The following MIB1 variants were observed in gnomAD, a reference collection of about 807,000 sequenced individuals.
MIB1 encodes the protein E3 ubiquitin-protein ligase MIB1.
Under a neutral mutation model 124.5 loss-of-function variants are expected in MIB1, and 278 were observed. The ratio of observed to expected loss-of-function variants is 2.23; its 90% CI spans 2.02 to 2.47. MIB1 has a LOEUF of 2.47. Ranked by LOEUF, MIB1 falls within the 30% of genes most tolerant of loss-of-function variation. MIB1 has a pLI of 0.00. For missense variants in MIB1, 957 were observed against 1,254.4 expected, an observed-to-expected ratio of 0.76 and a Z score of 3.58; for synonymous variants, 446 against 429.4, an observed-to-expected ratio of 1.04 and a Z score of -0.48.
chr18:21,728,843 T>G (rs1252872006), intron 1 of MIB1, among the ~76,000 whole-genome samples: 2 of 152,234 alleles, frequency 1.3e-5, no homozygotes, highest in Admixed American at 6.5e-5. Flanking sequence ...TTTAAAAATA[T>G]GCAATAAATT....
chr18:21,844,890 A>T (rs2042122397), intron 15 of MIB1, among the ~76,000 whole-genome samples: 1 of 152,034 alleles, frequency 6.6e-6, no homozygotes, highest in Non-Finnish European at 1.5e-5. Flanking sequence ...TTTGTTCATT[A>T]TTTTGTTAGG....
chr18:21,781,367 A>T (rs1184580577), intron 6 of MIB1, among the ~76,000 whole-genome samples: 7 of 2,618 alleles, frequency 2.7e-3, no homozygotes, highest in Admixed American at 0.014. Context: ...TGTTCAAGTT[A>T]TATATATATA....
At chr18:21,837,350 T>C (rs2042043025) in intron 12 of MIB1, among the ~76,000 whole-genome samples, 1 of 151,900 alleles carries the variant, frequency 6.6e-6, no homozygotes, top group Admixed American at 6.6e-5. Flanking sequence ...CTACTGAAAA[T>C]ACAAAAAATT....
intron 1 of MIB1, among the ~76,000 whole-genome samples, chr18:21,761,777 C>T (rs529494037): frequency 8.5e-5 from 13 of 152,220 alleles, no homozygotes; most frequent in South Asian, 8.3e-4. Flanking sequence ...CTGCCTGCAC[C>T]GGGAGCTCTG....
chr18:21,801,554 A>G lies in MIB1; in HGVS notation c.1371+1580A>G, dbSNP rs1022859724. On this transcript the variant is annotated intron_variant, in intron 9 of 20. Transcript: ENST00000261537. ...GATCAGCCAGTTTTGACAAATGCAT[A>G]CCACCCACGTAGTCCACACCTCTAT... Among the ~76,000 whole-genome samples the G allele has an allele frequency of 4.2e-4, 64 of 152,232 alleles. 1 individual carries two copies. The highest frequency in any genetic ancestry group is 1.3e-3 in the African/African-American group (54 of 41,564).
intron 1 of MIB1, chr18:21,712,090 G>A (rs540130129): frequency 1.5e-4 from 27 of 182,576 alleles, no homozygotes; most frequent in South Asian, 1.4e-3. Context: ...TAGTTTCTGC[G>A]ATTTTAGCAC....
Position 21,741,903 on chromosome 18 carries a change from T to TG in MIB1, c.229+94dup. The stretch of plus-strand genomic sequence containing the variant: ...CGGTGTCGCGGGGAGAGGTCTGCAG[T>TG]GGGACACCTGGTGGGCAGCGCCCGG... On this transcript the variant is annotated intron_variant, in intron 1 of 20. Coordinates refer to ENST00000261537, the MANE Select transcript of MIB1 (RefSeq NM_020774.4). The surrounding 1 kb of genome is among the most constrained non-coding windows in gnomAD (Gnocchi z 5.4). 2 of 1,151,256 alleles carry TG rather than the reference T, an allele frequency of 1.7e-6. No individual in the cohort carries two copies. The highest frequency in any genetic ancestry group is 2.4e-6 in the Non-Finnish European group (2 of 837,392). The allele number at this position is 1,151,256 out of a possible 1,614,324, so 71.3% of individuals were successfully genotyped here.
intron 10 of MIB1, among the ~76,000 whole-genome samples, chr18:21,815,020 T>C (rs1451615521): frequency 1.3e-5 from 1 of 79,582 alleles, no homozygotes; most frequent in African/African-American, 9.0e-5. Context: ...TTTATATATA[T>C]ATATATATAT....
intron 19 of MIB1, 65 bp from the exon 20 acceptor site, chr18:21,858,481 T>A: frequency 1.3e-6 from 1 of 786,772 alleles, no homozygotes; most frequent in Middle Eastern, 3.6e-4. Flanking sequence ...AGTAATATTT[T>A]ATTTTATAAA....
intron 1 of MIB1, among the ~76,000 whole-genome samples, chr18:21,731,137 A>G (rs2040767814): frequency 6.6e-6 from 1 of 152,150 alleles, no homozygotes; most frequent in African/African-American, 2.4e-5. Flanking sequence ...CATCAAATAC[A>G]CTTATCCTTC....
chr18:21,796,485 G>A (rs1275488368), intron 7 of MIB1, among the ~76,000 whole-genome samples: 1 of 152,110 alleles, frequency 6.6e-6, no homozygotes, highest in Non-Finnish European at 1.5e-5. Context: ...GATAGGTGCA[G>A]CAGACCACCA....
At chr18:21,738,828 A>C, upstream of MIB1, among the ~76,000 whole-genome samples, 3 of 33,194 alleles carry the variant, frequency 9.0e-5, no homozygotes, top group African/African-American at 1.8e-4. Flanking sequence ...AAAAAAAAAA[A>C]AAAAAAAAAA....
intron 20 of MIB1, among the ~76,000 whole-genome samples, chr18:21,860,125 T>TTTTTTTTTTTTTTG (rs1273694921): frequency 9.3e-6 from 1 of 107,230 alleles, no homozygotes; most frequent in African/African-American, 3.0e-5. Context: ...TTTTTTTTTT[T>TTTTTTTTTTTTTTG]AGAGTCTCAC....
At chr18:21,750,487 C>A (rs532312117) in intron 1 of MIB1, among the ~76,000 whole-genome samples, 1 of 152,154 alleles carries the variant, frequency 6.6e-6, no homozygotes, top group African/African-American at 2.4e-5. Context: ...GCCACCATGC[C>A]CCGCTAACTT....
chr18:21,732,599 T>G (rs933969213), intron 1 of MIB1, among the ~76,000 whole-genome samples: 1 of 152,072 alleles, frequency 6.6e-6, no homozygotes, highest in Non-Finnish European at 1.5e-5. Context: ...GATCTTGCTA[T>G]TCATGACCAG....
At chr18:21,839,513 G>C (rs1033216177) in intron 13 of MIB1, among the ~76,000 whole-genome samples, 1 of 151,946 alleles carries the variant, frequency 6.6e-6, no homozygotes. Context: ...ATAATTTTTT[G>C]TTTGCTTTTG....
At chr18:21,794,320 CAG>C (rs1359967299) in intron 7 of MIB1, among the ~76,000 whole-genome samples, 1 of 151,900 alleles carries the variant, frequency 6.6e-6, no homozygotes, top group Non-Finnish European at 1.5e-5. Flanking sequence ...GGAAGGAACA[CAG>C]AGCAGAGCAA....
chr18:21,749,683 C>T (rs2040952312), intron 1 of MIB1, among the ~76,000 whole-genome samples: 1 of 88,168 alleles, frequency 1.1e-5, no homozygotes. Context: ...TTTTATTGCC[C>T]AGGCTGGAGT....
At chr18:21,862,214 A>T (rs1202828297) in intron 20 of MIB1, among the ~76,000 whole-genome samples, 2 of 152,158 alleles carry the variant, frequency 1.3e-5, no homozygotes, top group Admixed American at 1.3e-4. Flanking sequence ...TAAAAATCTA[A>T]AAAGATGGGA....
Sources: gnomAD v4.1 joint callset for allele counts (sites outside exome capture counted in the v4.1 genomes callset) on GRCh38, gnomAD v4.1.1 for gene constraint, Gnocchi (gnomAD v3.1) non-coding constraint, MANE v1.5 for transcripts, NCBI Gene and HGNC (gene_info 2026-07-23, HGNC 2026-07-21) for gene names.